The following THEMIS variants were observed in gnomAD, a reference collection of about 807,000 sequenced individuals.
THEMIS encodes the protein protein THEMIS.
THEMIS carries 37 observed loss-of-function variants against 52.6 expected under a neutral mutation model. That is an observed-to-expected ratio of 0.70 (90% confidence interval 0.54 to 0.93). The LOEUF is 0.93. Among genes scored for constraint, THEMIS ranks in the 40% least tolerant of loss-of-function variants. The pLI is 0.00. For synonymous variants in THEMIS, 292 were observed against 272.7 expected (o/e 1.07, Z -0.70); for missense variants, 808 against 763.1 (o/e 1.06, Z -0.69).
intron 1 of THEMIS, among the ~76,000 whole-genome samples, chr6:127,881,154 T>C (rs886338780): frequency 6.6e-6 from 1 of 152,114 alleles, no homozygotes; most frequent in Admixed American, 6.5e-5. Flanking sequence ...CATTTAGCAG[T>C]GCCTAACAAA....
At chr6:127,848,165 C>G (rs1779288059) in intron 2 of THEMIS, among the ~76,000 whole-genome samples, 3 of 142,834 alleles carry the variant, frequency 2.1e-5, no homozygotes, top group Admixed American at 7.6e-5. Flanking sequence ...TGAATGAGAA[C>G]ATGCGGTGTT....
intron 1 of THEMIS, among the ~76,000 whole-genome samples, chr6:127,857,075 A>T (rs78521650): frequency 6.9e-5 from 2 of 29,140 alleles, no homozygotes; most frequent in African/African-American, 1.3e-4. Context: ...AACTTTGATT[A>T]AAAAAAAAAA....
At chr6:127,769,223 G>A (rs1776294629) in intron 4 of THEMIS, among the ~76,000 whole-genome samples, 1 of 152,098 alleles carries the variant, frequency 6.6e-6, no homozygotes, top group African/African-American at 2.4e-5. Flanking sequence ...ATTTAATTGT[G>A]TAAGTCATTT....
intron 4 of THEMIS, among the ~76,000 whole-genome samples, chr6:127,789,180 T>C (rs1777077694): frequency 6.6e-6 from 1 of 152,088 alleles, no homozygotes; most frequent in Non-Finnish European, 1.5e-5. Flanking sequence ...CAATAAAAAA[T>C]GATAAAGGGG....
chr6:127,882,289 T>C (rs1282648060), intron 1 of THEMIS, among the ~76,000 whole-genome samples: 3 of 151,868 alleles, frequency 2.0e-5, no homozygotes, highest in Admixed American at 2.0e-4. Context: ...CTCAATTATT[T>C]TGCCCAACTG....
At position 127,714,267 on chromosome 6, in the gene THEMIS, C is replaced by T. The variant is rs147204552; in HGVS notation, c.1895-4251G>A. On this transcript the variant is annotated intron_variant, in intron 5 of 5. Coordinates refer to ENST00000368248, the MANE Select transcript of THEMIS (RefSeq NM_001010923.3). ...AGGGCTAGACAGTAAATATCTGTTA[C>T]CATTACTTGACTGTGCTGATAGAAC... Among the ~76,000 whole-genome samples, 33 of 151,948 alleles carry T rather than the reference C, an allele frequency of 2.2e-4. 2 individuals carry two copies. The East Asian group carries it at 4.7e-3, about 21-fold the overall frequency.
intron 5 of THEMIS, among the ~76,000 whole-genome samples, chr6:127,714,043 T>C (rs1331779761): frequency 6.6e-6 from 1 of 151,842 alleles, no homozygotes; most frequent in Non-Finnish European, 1.5e-5. Context: ...AATGGGCATA[T>C]TCCGATGTTC....
intron 2 of THEMIS, 87 bp downstream of exon 2, chr6:127,854,943 C>A: frequency 8.4e-7 from 1 of 1,195,474 alleles, no homozygotes; most frequent in Admixed American, 3.1e-5. Flanking sequence ...AAAAACAGAC[C>A]ATTTTTTTCT....
intron 2 of THEMIS, among the ~76,000 whole-genome samples, chr6:127,844,875 T>C (rs879625378): frequency 1.3e-5 from 2 of 151,888 alleles, no homozygotes; most frequent in Non-Finnish European, 2.9e-5. Flanking sequence ...CTAGAAAGAG[T>C]GTTTTCTAAA....
At chr6:127,722,649 T>A (rs1774401168) in intron 4 of THEMIS, among the ~76,000 whole-genome samples, 1 of 152,016 alleles carries the variant, frequency 6.6e-6, no homozygotes, top group Admixed American at 6.6e-5. Flanking sequence ...TTATTCTTCC[T>A]CATCCCTGTT....
At chr6:127,762,131 A>G (rs1398680260) in intron 4 of THEMIS, among the ~76,000 whole-genome samples, 2 of 152,144 alleles carry the variant, frequency 1.3e-5, no homozygotes, top group African/African-American at 4.8e-5. Flanking sequence ...GGAAGACATT[A>G]TGCTAATTGA....
chr6:127,829,727 G>A lies in THEMIS; in HGVS notation c.458C>T (p.Ala153Val), dbSNP rs1224303823. 1 of 1,614,046 alleles carries A rather than the reference G, an allele frequency of 6.2e-7. No individual in the cohort carries two copies. Among genetic ancestry groups the A allele is most frequent in the Admixed American group, 1.7e-5 (1 of 60,020 alleles). Reference protein sequence around the residue: ...EIDGEIMVSCAVARNHQTHSF... With the variant: ...EIDGEIMVSCVVARNHQTHSF... The stretch of plus-strand genomic sequence containing the variant: ...GTGAGTTTGATGATTCCTTGCTACT[G>A]CACAGCTCACCATTATTTCTCCATC... Residue 153 changes from alanine (A) to valine (V), a missense_variant, in exon 3 of 6, where the codon GCA becomes GTA. Physicochemically the swap from Ala to Val is moderately conservative, Grantham distance 64. Transcript: ENST00000368248.
At chr6:127,873,270 T>C (rs1004529640) in intron 1 of THEMIS, among the ~76,000 whole-genome samples, 1 of 152,186 alleles carries the variant, frequency 6.6e-6, no homozygotes, top group African/African-American at 2.4e-5. Context: ...TGTAAATTTT[T>C]TGTAGGTATA....
At chr6:127,702,084 A>G in the THEMIS span, among the ~76,000 whole-genome samples, 2 of 152,084 alleles carry the variant, frequency 1.3e-5, no homozygotes, top group Admixed American at 6.6e-5. Flanking sequence ...TTTACCAAGA[A>G]TTCAATTGAC....
chr6:127,768,828 T>C (rs981670222), intron 4 of THEMIS, among the ~76,000 whole-genome samples: 1 of 152,324 alleles, frequency 6.6e-6, no homozygotes, highest in Middle Eastern at 3.4e-3. Flanking sequence ...CTTTTAAATA[T>C]TGGCTTTGCT....
At chr6:127,745,954 T>C (rs1775374433) in intron 4 of THEMIS, among the ~76,000 whole-genome samples, 1 of 151,892 alleles carries the variant, frequency 6.6e-6, no homozygotes, top group South Asian at 2.1e-4. Context: ...CCTATTCTCC[T>C]TGATTTATAA....
At chr6:127,833,215 A>G (rs1267032648) in intron 2 of THEMIS, among the ~76,000 whole-genome samples, 1 of 152,138 alleles carries the variant, frequency 6.6e-6, no homozygotes, top group African/African-American at 2.4e-5. Context: ...TTAATTAATA[A>G]ATGAATGTAG....
At chr6:127,819,118 T>TAAAAAAAAAAAAAAAAAAAAAAAAA (rs142123167) in intron 3 of THEMIS, among the ~76,000 whole-genome samples, 1 of 19,470 alleles carries the variant, frequency 5.1e-5, no homozygotes, top group African/African-American at 2.0e-4. Context: ...AGACTCTGTC[T>TAAAAAAAAAAAAAAAAAAAAAAAAA]AAAAAAAAAA....
chr6:127,828,562 T>C (rs1055719579), intron 3 of THEMIS, among the ~76,000 whole-genome samples: 10 of 152,192 alleles, frequency 6.6e-5, no homozygotes, highest in African/African-American at 2.4e-4. Context: ...TCACGTGTCA[T>C]AATCCTGAAA....
Sources: allele counts gnomAD v4.1 joint callset (sites outside exome capture counted in the v4.1 genomes callset), GRCh38; gene constraint gnomAD v4.1.1; transcripts MANE v1.5; gene names NCBI Gene and HGNC (gene_info 2026-07-23, HGNC 2026-07-21).